SPSB4: variants seen among roughly 807,000 people sequenced by gnomAD.
SPSB4 encodes the protein splA/ryanodine receptor domain and SOCS box containing 4.
SPSB4 carries 21 observed loss-of-function variants against 20.9 expected under a neutral mutation model. The observed-to-expected ratio is 1.01, with a 90% confidence interval of 0.71 to 1.45. SPSB4 has a LOEUF of 1.45. Among genes scored for constraint, SPSB4 ranks in the 40% most tolerant of loss-of-function variants. SPSB4 has a pLI of 0.00. For missense variants in SPSB4, 399 were observed against 399.2 expected (o/e 1.00, Z 0.00); for synonymous variants, 207 against 183.8 (o/e 1.13, Z -1.02).
intron 1 of SPSB4, among the ~76,000 whole-genome samples, chr3:141,059,508 A>G (rs1389355645): frequency 6.6e-6 from 1 of 151,650 alleles, no homozygotes; most frequent in Non-Finnish European, 1.5e-5. Flanking sequence ...GGGGGTGGGG[A>G]GGTGTCACAC....
chr3:141,098,519 G>C (rs947921834), intron 2 of SPSB4, among the ~76,000 whole-genome samples: 1 of 151,968 alleles, frequency 6.6e-6, no homozygotes, highest in African/African-American at 2.4e-5. Context: ...TAAGTATTTA[G>C]GGATATAAAA....
chr3:141,127,882 C>T (rs148841126), intron 2 of SPSB4, among the ~76,000 whole-genome samples: 13 of 152,294 alleles, frequency 8.5e-5, no homozygotes, highest in African/African-American at 1.4e-4. Flanking sequence ...AACTGAGAAC[C>T]GAACCGAATT....
At chr3:141,085,216 C>T (rs565082157) in intron 2 of SPSB4, among the ~76,000 whole-genome samples, 3 of 152,318 alleles carry the variant, frequency 2.0e-5, no homozygotes, top group Non-Finnish European at 4.4e-5. Context: ...GCTGGAAGTA[C>T]ACCTAGGGGA....
intron 2 of SPSB4, among the ~76,000 whole-genome samples, chr3:141,135,227 TC>T (rs1422084363): frequency 6.6e-6 from 1 of 151,962 alleles, no homozygotes; most frequent in African/African-American, 2.4e-5. Context: ...ATTTATAAGA[TC>T]AGTTATGTAT....
intron 2 of SPSB4, among the ~76,000 whole-genome samples, chr3:141,087,266 C>T (rs1386177611): frequency 6.6e-6 from 1 of 152,142 alleles, no homozygotes. Flanking sequence ...CTCTAGGAGG[C>T]CTGGAGCATG....
At chr3:141,089,594 T>C (rs1938412652) in intron 2 of SPSB4, among the ~76,000 whole-genome samples, 1 of 151,754 alleles carries the variant, frequency 6.6e-6, no homozygotes, top group African/African-American at 2.4e-5. Context: ...TGAGCAGAGG[T>C]GGTGTTTTCA....
At chr3:141,068,789 G>A (rs1159374332) in intron 2 of SPSB4, among the ~76,000 whole-genome samples, 1 of 152,184 alleles carries the variant, frequency 6.6e-6, no homozygotes. Context: ...ATTCACTTGG[G>A]CTTTATTGGT....
At chr3:141,137,046 G>A (rs1245338990) in intron 2 of SPSB4, among the ~76,000 whole-genome samples, 4 of 152,036 alleles carry the variant, frequency 2.6e-5, no homozygotes, top group African/African-American at 7.3e-5. Context: ...TCCTTGAAGA[G>A]GTCCTTCACA....
At chr3:141,140,745 G>A (rs1939312214) in intron 2 of SPSB4, among the ~76,000 whole-genome samples, 1 of 152,212 alleles carries the variant, frequency 6.6e-6, no homozygotes, top group East Asian at 1.9e-4. Flanking sequence ...GCCCCTATTG[G>A]GGTTGTCTCC....
intron 2 of SPSB4, among the ~76,000 whole-genome samples, chr3:141,086,188 T>G (rs1386192732): frequency 1.3e-5 from 2 of 152,236 alleles, no homozygotes; most frequent in African/African-American, 2.4e-5. Flanking sequence ...TTAATTTCAC[T>G]CCTGCTGTGT....
At chr3:141,138,604 T>C (rs1391461203) in intron 2 of SPSB4, among the ~76,000 whole-genome samples, 1 of 152,226 alleles carries the variant, frequency 6.6e-6, no homozygotes, top group East Asian at 1.9e-4. Flanking sequence ...CCAGTAGTCA[T>C]TCAGGAGCAG....
chr3:141,133,830 T>C (rs530745318), intron 2 of SPSB4, among the ~76,000 whole-genome samples: 1 of 152,220 alleles, frequency 6.6e-6, no homozygotes, highest in East Asian at 1.9e-4. Context: ...AGAATGATAA[T>C]GGTATTTTGA....
At chr3:141,086,014 G>C (rs191468061) in intron 2 of SPSB4, among the ~76,000 whole-genome samples, 6 of 152,352 alleles carry the variant, frequency 3.9e-5, no homozygotes, top group South Asian at 2.1e-4. Context: ...GGTCTGTGTG[G>C]TTGGAGCATG....
rs969141618 is a variant in SPSB4, at chr3:141,147,568, G to C, written c.*299G>C. 19 of 346,544 alleles carry C rather than the reference G, an allele frequency of 5.5e-5. No individual in the cohort carries two copies. In the Admixed American group the frequency reaches 7.2e-4, roughly 13 times the overall value. The allele number at this position is 346,544 out of a possible 1,614,324, so 21.5% of individuals were successfully genotyped here. Reference sequence around the variant, plus strand: ...CACCAACCAGGACACAGCAGCCACCGTATTGATCAGAGAGCCTGTTTCCTT... The same window carrying C: ...CACCAACCAGGACACAGCAGCCACCCTATTGATCAGAGAGCCTGTTTCCTT... On this transcript the variant is annotated 3_prime_UTR_variant, in exon 3 of 3. Coordinates refer to ENST00000310546, the MANE Select transcript of SPSB4 (RefSeq NM_080862.3).
At chr3:141,114,680 G>A (rs1408994151) in intron 2 of SPSB4, among the ~76,000 whole-genome samples, 1 of 152,090 alleles carries the variant, frequency 6.6e-6, no homozygotes, top group African/African-American at 2.4e-5. Flanking sequence ...CTCAGTCTGT[G>A]GTCTTTTGAG....
In SPSB4 at chr3:141,051,617, G is replaced by C. The variant is rs1305778836; in HGVS notation, c.-529G>C. ...GGGGCCAGCGGCCGAGGCGCGGCCC[G>C]TGCGCCCTGAGCGCGGGACTCGTCG... is the stretch of plus-strand genomic sequence containing the variant. On this transcript the variant is annotated 5_prime_UTR_variant, in exon 1 of 3. Transcript: ENST00000310546. 1 of 148,308 alleles carries C rather than the reference G, an allele frequency of 6.7e-6. No individual in the cohort carries two copies. Among genetic ancestry groups the C allele is most frequent in the East Asian group, 2.2e-4 (1 of 4,506 alleles). The allele number at this position is 148,308 out of a possible 1,614,324, so 9.2% of individuals were successfully genotyped here.
chr3:141,068,703 G>C (rs781256891), intron 2 of SPSB4, among the ~76,000 whole-genome samples: 3 of 152,198 alleles, frequency 2.0e-5, no homozygotes, highest in Admixed American at 6.5e-5. Context: ...GAGATTTAAG[G>C]CCTGACGTTG....
chr3:141,098,957 G>A (rs550710950), intron 2 of SPSB4, among the ~76,000 whole-genome samples: 58 of 152,176 alleles, frequency 3.8e-4, no homozygotes, highest in Non-Finnish European at 5.0e-4. Context: ...AGGTGGAAGC[G>A]AGCACATGAA....
At position 141,111,501 on chromosome 3, in the gene SPSB4, G is replaced by T. The variant is rs192731294; in HGVS notation, c.695-35641G>T. Among the ~76,000 whole-genome samples the T allele has an allele frequency of 1.9e-3, 284 of 151,874 alleles. 1 individual carries two copies. The highest frequency in any genetic ancestry group is 3.3e-3 in the Non-Finnish European group (224 of 67,956). On this transcript the variant is annotated intron_variant, in intron 2 of 2. Transcript: ENST00000310546. ...ACATAGTGAGCGCTCCATGCTTGGT[G>T]GTTATTTTTGGTCCCTAGATTGAAC...
Sources: allele counts gnomAD v4.1 joint callset (sites outside exome capture counted in the v4.1 genomes callset), GRCh38; gene constraint gnomAD v4.1.1; transcripts MANE v1.5; gene names NCBI Gene and HGNC (gene_info 2026-07-23, HGNC 2026-07-21).